Variants in GRK4 observed in about 807,000 individuals in gnomAD.
GRK4 encodes the protein G protein-coupled receptor kinase 4.
Under a neutral mutation model 77.9 loss-of-function variants are expected in GRK4, and 73 were observed. The ratio of observed to expected loss-of-function variants is 0.94; its 90% CI spans 0.78 to 1.14. GRK4 has a LOEUF of 1.14. Ranked by LOEUF, GRK4 falls within the 50% of genes most tolerant of loss-of-function variation. The probability of loss-of-function intolerance (pLI) is 0.00; values close to 1 mark genes in which losing one functional copy is unlikely to be tolerated. For synonymous variants in GRK4, 257 were observed against 254.4 expected (o/e 1.01, Z -0.10); for missense variants, 729 against 700.2 (o/e 1.04, Z -0.46).
chr4:3,003,833 T>A (rs1730521893), intron 4 of GRK4, among the ~76,000 whole-genome samples: 2 of 152,092 alleles, frequency 1.3e-5, no homozygotes, highest in Admixed American at 1.3e-4. Flanking sequence ...GCCTCCCAGG[T>A]TCAAGTGATT....
In GRK4 at chr4:3,004,262, A is replaced by T. The variant is rs747337568; in HGVS notation, c.371A>T (p.Asp124Val). The T allele has an allele frequency of 2.5e-6, 4 of 1,613,866 alleles. No homozygotes were observed. Among genetic ancestry groups the T allele is most frequent in the African/African-American group, 1.3e-5 (1 of 75,046 alleles). The change falls in exon 5 of 16, where the codon GAT becomes GTT. Residue 124 changes from aspartate (D) to valine (V), a missense_variant. By Grantham distance (152) the Asp-to-Val change is radical (BLOSUM62 -3). Coordinates refer to ENST00000398052, the MANE Select transcript of GRK4 (RefSeq NM_182982.3). ...LAAPLPEIPP[D>V]VVTECRLGLK... is the part of the protein sequence containing the mutation. ...GCCCCTTTACCAGAAATACCTCCAGATGTTGTGACAGAATGTAGATTGGGA... is the reference window on the plus strand; with the variant it reads ...GCCCCTTTACCAGAAATACCTCCAGTTGTTGTGACAGAATGTAGATTGGGA...
chr4:3,016,096 G>A (rs899371580), intron 8 of GRK4, among the ~76,000 whole-genome samples: 4 of 150,554 alleles, frequency 2.7e-5, no homozygotes, highest in African/African-American at 4.9e-5. Context: ...TATTAGTAGC[G>A]ACAGGGTTTC....
rs949854812 is a variant in GRK4 at position 2,972,827 on chromosome 4, C to T, written c.52+8705C>T. ...TCGGTTCTCTGCAGTCTCCACCTCC[C>T]GGGCTCAAGCAGCTCTCCTGCCTCA... On this transcript the variant is annotated intron_variant, in intron 1 of 15. Coordinates refer to ENST00000398052, the MANE Select transcript of GRK4 (RefSeq NM_182982.3). Among the ~76,000 whole-genome samples the T allele has an allele frequency of 9.2e-5, 14 of 152,198 alleles. No homozygotes were observed. In the East Asian group the frequency reaches 9.6e-4, roughly 10 times the overall value.
intron 5 of GRK4, among the ~76,000 whole-genome samples, chr4:3,005,605 C>G (rs538858210): frequency 6.6e-6 from 1 of 152,136 alleles, no homozygotes; most frequent in East Asian, 1.9e-4. Flanking sequence ...GAGTTCAAGA[C>G]CAGCCTGGCC....
chr4:3,027,902 G>A lies in GRK4; in HGVS notation c.971-10G>A. 1.2e-6 allele frequency: 2 copies of A among 1,611,764 alleles called. No individual in the cohort carries two copies. Among genetic ancestry groups the A allele is most frequent in the Non-Finnish European group, 1.7e-6 (2 of 1,177,976 alleles). On this transcript the variant is annotated splice_polypyrimidine_tract_variant and intron_variant, in intron 10 of 15. Coordinates refer to ENST00000398052, the MANE Select transcript of GRK4 (RefSeq NM_182982.3). The stretch of plus-strand genomic sequence containing the variant: ...CCGTGACCTGTGTAATAACATATTT[G>A]AACACACAGGACACATCCGGATTTC...
rs577569608 is a variant in GRK4, at chr4:2,963,804, G to A, written c.-267G>A. On this transcript the variant is annotated 5_prime_UTR_variant, in exon 1 of 16. Coordinates refer to ENST00000398052, the MANE Select transcript of GRK4 (RefSeq NM_182982.3). ...GAAGAACCGGGGCGATAGCGCGGCA[G>A]CGGTGACAGCTGGGACCCGCCGCGG... 1,551 of 533,036 alleles carry A rather than the reference G, an allele frequency of 2.9e-3. 9 individuals carry two copies. The highest frequency in any genetic ancestry group is 4.4e-3 in the Non-Finnish European group (1,342 of 304,802). 33.0% of individuals were successfully genotyped at this position (533,036 alleles called of 1,614,324 possible).
At chr4:2,965,098 G>A (rs1717118494) in intron 1 of GRK4, 1 of 604,674 alleles carries the variant, frequency 1.7e-6, no homozygotes. Flanking sequence ...ATGATTAACT[G>A]CCTTTGTTTT....
At chr4:2,997,329 A>G (rs1160245441) in intron 4 of GRK4, among the ~76,000 whole-genome samples, 1 of 152,236 alleles carries the variant, frequency 6.6e-6, no homozygotes, top group East Asian at 1.9e-4. Flanking sequence ...TTTAAAAACC[A>G]CATGATTATC....
intron 15 of GRK4, among the ~76,000 whole-genome samples, chr4:3,039,820 C>G (rs1560520656): frequency 6.6e-6 from 1 of 151,982 alleles, no homozygotes; most frequent in Non-Finnish European, 1.5e-5. Context: ...AACAAAATGG[C>G]TCTCCCTGAC....
chr4:3,014,240 G>A (rs2109924070), intron 8 of GRK4, among the ~76,000 whole-genome samples: 1 of 150,400 alleles, frequency 6.6e-6, no homozygotes, highest in East Asian at 2.0e-4. Flanking sequence ...AATTTCTCTG[G>A]CCCCTGGGAC....
chr4:2,966,437 A>AT (rs1306424865), intron 1 of GRK4: 2 of 152,080 alleles, frequency 1.3e-5, no homozygotes, highest in South Asian at 2.1e-4. Flanking sequence ...GAAAGTTTTA[A>AT]TTTTTTCCCT....
intron 4 of GRK4, among the ~76,000 whole-genome samples, chr4:3,000,196 C>T (rs1310618929): frequency 6.6e-6 from 1 of 152,168 alleles, no homozygotes; most frequent in Non-Finnish European, 1.5e-5. Context: ...GCTGGTAGTT[C>T]TGTACCTTAC....
rs1034908485 is a variant in GRK4 at position 2,964,066 on chromosome 4, A to G, written c.-5A>G. ...AGAATCCGCCGGCGGCGGCGGCGCCAGGACATGGAGCTCGAGAACATCGTG... is the reference window on the plus strand; with the variant it reads ...AGAATCCGCCGGCGGCGGCGGCGCCGGGACATGGAGCTCGAGAACATCGTG... On this transcript the variant is annotated 5_prime_UTR_variant, in exon 1 of 16. Transcript: ENST00000398052. 3 of 1,608,720 alleles carry G rather than the reference A, an allele frequency of 1.9e-6. No individual in the cohort carries two copies. Among genetic ancestry groups the G allele is most frequent in the Admixed American group, 3.4e-5 (2 of 59,666 alleles).
At chr4:3,027,557 C>G (rs916724920) in intron 10 of GRK4, among the ~76,000 whole-genome samples, 46 of 152,136 alleles carry the variant, frequency 3.0e-4, no homozygotes, top group Non-Finnish European at 5.7e-4. Context: ...TATTTATTTA[C>G]TGTTCTGTAG....
intron 10 of GRK4, among the ~76,000 whole-genome samples, chr4:3,025,582 C>T (rs867254718): frequency 4.0e-5 from 6 of 151,234 alleles, no homozygotes; most frequent in South Asian, 2.1e-4. Context: ...TTAGTAGAGA[C>T]GGGGTTTCAC....
intron 9 of GRK4, among the ~76,000 whole-genome samples, chr4:3,020,549 A>G (rs1028491825): frequency 6.6e-6 from 1 of 152,226 alleles, no homozygotes; most frequent in Non-Finnish European, 1.5e-5. Flanking sequence ...ATTAAACTTC[A>G]TAGTTTAGTG....
intron 4 of GRK4, among the ~76,000 whole-genome samples, chr4:2,997,908 CA>C (rs34665052): frequency 0.012 from 1,315 of 108,664 alleles, 20 homozygotes; most frequent in African/African-American, 0.036. Context: ...ACTCCATCTC[CA>C]AAAAAAAAAA....
In GRK4 at chr4:3,027,987, C is replaced by T. The variant is rs1738055016; in HGVS notation, c.1046C>T (p.Thr349Ile). ...EGQRVRGRVG[T>I]VGYMAPEVVN... ...CAGAGGGTTCGAGGAAGAGTTGGAA[C>T]AGTCGGCTACATGGGTTCGTGAGAG... Residue 349 changes from threonine (T) to isoleucine (I), a missense_variant, in exon 11 of 16, where the codon ACA (threonine) becomes ATA (isoleucine). Thr to Ile is a moderately conservative substitution (Grantham distance 89). Coordinates refer to ENST00000398052, the MANE Select transcript of GRK4 (RefSeq NM_182982.3). The T allele has an allele frequency of 6.2e-7, 1 of 1,614,030 alleles. No homozygotes were observed. Among genetic ancestry groups the T allele is most frequent in the African/African-American group, 1.3e-5 (1 of 74,924 alleles).
intron 10 of GRK4, among the ~76,000 whole-genome samples, chr4:3,025,243 C>T (rs756815381): frequency 6.8e-5 from 10 of 146,444 alleles, no homozygotes; most frequent in South Asian, 4.4e-4. Context: ...TGCACTCCAG[C>T]CTAGGTGACA....
Sources: allele counts gnomAD v4.1 joint callset (sites outside exome capture counted in the v4.1 genomes callset), GRCh38; gene constraint gnomAD v4.1.1; transcripts MANE v1.5; gene names NCBI Gene and HGNC (gene_info 2026-07-23, HGNC 2026-07-21).